Variants in SLIT2 observed in about 807,000 individuals in gnomAD.
SLIT2 encodes slit homolog 2 protein.
Under a neutral mutation model 185.7 loss-of-function variants are expected in SLIT2, and 41 were observed. The ratio of observed to expected loss-of-function variants is 0.22; its 90% confidence interval spans 0.17 to 0.29. The LOEUF (loss-of-function observed/expected upper bound fraction) is 0.29. SLIT2 is among the 10% of genes least tolerant of loss of function. The pLI is 1.00. For missense variants in SLIT2, 1,571 were observed against 1,909.0 expected (o/e 0.82, Z 3.30); for synonymous variants, 693 against 680.2 (o/e 1.02, Z -0.29).
chr4:20,535,020 A>G (rs1448915369), intron 18 of SLIT2, among the ~76,000 whole-genome samples: 2 of 152,000 alleles, frequency 1.3e-5, no homozygotes, highest in Non-Finnish European at 2.9e-5. Flanking sequence ...GATACTGAGG[A>G]CTGGGCGCGG....
intron 5 of SLIT2, among the ~76,000 whole-genome samples, chr4:20,473,015 T>G (rs965072887): frequency 6.6e-5 from 10 of 152,014 alleles, no homozygotes; most frequent in African/African-American, 2.4e-4. Context: ...CTAATTTACT[T>G]TACCGTTGGT....
chr4:20,300,367 C>G (rs886450037), intron 4 of SLIT2, among the ~76,000 whole-genome samples: 2 of 151,998 alleles, frequency 1.3e-5, no homozygotes, highest in Non-Finnish European at 2.9e-5. Flanking sequence ...AAAAGACATT[C>G]TAAGATTACA....
intron 4 of SLIT2, among the ~76,000 whole-genome samples, chr4:20,463,448 G>GATAGATATATATATATATATATATAT: frequency 1.5e-5 from 1 of 67,324 alleles, no homozygotes; most frequent in Non-Finnish European, 2.9e-5. Context: ...CTCAAACTGT[G>GATAGATATATATATATATATATATAT]ATATATATAT....
intron 4 of SLIT2, among the ~76,000 whole-genome samples, chr4:20,289,548 T>C (rs1055298986): frequency 6.6e-6 from 1 of 152,228 alleles, no homozygotes. Flanking sequence ...GTTTTCTTTT[T>C]AACATTTTAT....
At chr4:20,448,850 A>G (rs899908242) in intron 4 of SLIT2, among the ~76,000 whole-genome samples, 4 of 151,560 alleles carry the variant, frequency 2.6e-5, no homozygotes, top group Non-Finnish European at 5.9e-5. Flanking sequence ...GTTAGCCAGG[A>G]TGGTCTCGAT....
intron 4 of SLIT2, among the ~76,000 whole-genome samples, chr4:20,441,592 T>C (rs986919361): frequency 6.5e-5 from 9 of 138,182 alleles, no homozygotes; most frequent in Non-Finnish European, 1.4e-4. Flanking sequence ...CTTGCAAAAA[T>C]ACATACATAC....
intron 4 of SLIT2, among the ~76,000 whole-genome samples, chr4:20,436,855 C>G (rs762540651): frequency 6.6e-6 from 1 of 152,184 alleles, no homozygotes; most frequent in Non-Finnish European, 1.5e-5. Flanking sequence ...TTGTTGCACT[C>G]TTTTGGTCAT....
intron 4 of SLIT2, among the ~76,000 whole-genome samples, chr4:20,303,920 G>T (rs1717295370): frequency 6.6e-6 from 1 of 152,158 alleles, no homozygotes; most frequent in African/African-American, 2.4e-5. Flanking sequence ...TGGAAGGCTG[G>T]TCTATGCCAC....
rs1560253008 is a variant in SLIT2 at position 20,252,011 on chromosome 4, C to CGGCGGCGGAGGCGGA, written c.-1801_-1787dup. ...AAAAAAAAGAAGGCGGCGGCGGCGG[C>CGGCGGCGGAGGCGGA]GGCGGCGGAGGCGGAGGCAGCTGCG... On this transcript the variant is annotated 5_prime_UTR_variant, in exon 1 of 37. Transcript: ENST00000504154. Among the ~76,000 whole-genome samples the CGGCGGCGGAGGCGGA allele has an allele frequency of 6.6e-6, 1 of 152,060 alleles. No homozygotes were observed. Among genetic ancestry groups the CGGCGGCGGAGGCGGA allele is most frequent in the South Asian group, 2.1e-4 (1 of 4,822 alleles).
At chr4:20,465,778 C>T (rs781083810) in intron 4 of SLIT2, among the ~76,000 whole-genome samples, 3 of 152,094 alleles carry the variant, frequency 2.0e-5, no homozygotes, top group Non-Finnish European at 4.4e-5. Context: ...TGACTTTCCG[C>T]CCAGCCCACT....
chr4:20,449,277 G>A (rs1712201931), intron 4 of SLIT2, among the ~76,000 whole-genome samples: 2 of 151,972 alleles, frequency 1.3e-5, no homozygotes, highest in African/African-American at 4.8e-5. Context: ...TTTACTTATG[G>A]GGACACTTTG....
chr4:20,550,844 A>C lies in SLIT2; in HGVS notation c.2507A>C (p.Asp836Ala). 6.2e-7 allele frequency: 1 copy of C among 1,606,356 alleles called. No homozygotes were observed. Among genetic ancestry groups the C allele is most frequent in the Non-Finnish European group, 8.5e-7 (1 of 1,174,240 alleles). Reference sequence around the variant, plus strand: ...TCTTTTAGTTCTCTACATGGAAATGACATTTCTGTTGTGCCTGAAGGTGCT... The same window carrying C: ...TCTTTTAGTTCTCTACATGGAAATGCCATTTCTGTTGTGCCTGAAGGTGCT... ...SLRLLSLHGN[D>A]ISVVPEGAFN... is the part of the protein sequence containing the mutation. The change falls in exon 25 of 37, where the codon GAC becomes GCC. Residue 836 changes from aspartate (D) to alanine (A), a missense_variant. Coordinates refer to ENST00000504154, the MANE Select transcript of SLIT2 (RefSeq NM_004787.4).
chr4:20,285,598 G>T (rs985523160), intron 4 of SLIT2, among the ~76,000 whole-genome samples: 5 of 152,022 alleles, frequency 3.3e-5, no homozygotes, highest in African/African-American at 9.7e-5. Context: ...GTTATGCAGG[G>T]AGTGCAGTGG....
At position 20,472,570 on chromosome 4, in the gene SLIT2, A is replaced by ATC. The variant is rs1231090636; in HGVS notation, c.467+4748_467+4749insCT. Among the ~76,000 whole-genome samples, 2 of 22,926 alleles carry ATC rather than the reference A, an allele frequency of 8.7e-5. 1 individual carries two copies. The highest frequency in any genetic ancestry group is 1.3e-4 in the Non-Finnish European group (2 of 15,742). 15.0% of individuals were successfully genotyped at this position (22,926 alleles called of 152,430 possible). ...TCTATATATAGATATATATCTATAT[A>ATC]TAGATATATCTATATATAGATATAT... On this transcript the variant is annotated intron_variant, in intron 5 of 36. Coordinates refer to ENST00000504154, the MANE Select transcript of SLIT2 (RefSeq NM_004787.4).
At chr4:20,471,632 A>G (rs963231596) in intron 5 of SLIT2, among the ~76,000 whole-genome samples, 1 of 152,196 alleles carries the variant, frequency 6.6e-6, no homozygotes, top group Non-Finnish European at 1.5e-5. Context: ...GGTTTATGGG[A>G]TTTGGCACAT....
At chr4:20,301,406 A>C (rs1717024259) in intron 4 of SLIT2, among the ~76,000 whole-genome samples, 1 of 152,110 alleles carries the variant, frequency 6.6e-6, no homozygotes, top group South Asian at 2.1e-4. Flanking sequence ...TGCTAACGTT[A>C]GATTCTTGTT....
chr4:20,474,089 T>G (rs1715850262), intron 5 of SLIT2, among the ~76,000 whole-genome samples: 2 of 152,034 alleles, frequency 1.3e-5, no homozygotes, highest in African/African-American at 4.8e-5. Flanking sequence ...TCCTTACTCT[T>G]AAATTCCAGA....
At chr4:20,475,123 T>C (rs1325495874) in intron 5 of SLIT2, among the ~76,000 whole-genome samples, 1 of 152,128 alleles carries the variant, frequency 6.6e-6, no homozygotes, top group Admixed American at 6.5e-5. Context: ...TCCTAGCTCC[T>C]TCTTCCCTTC....
chr4:20,515,884 C>T (rs546521863), intron 11 of SLIT2, among the ~76,000 whole-genome samples: 102 of 152,238 alleles, frequency 6.7e-4, no homozygotes, highest in African/African-American at 2.3e-3. Flanking sequence ...GGCGCAATCT[C>T]GGCTCACTGC....
Sources: allele counts gnomAD v4.1 joint callset (sites outside exome capture counted in the v4.1 genomes callset), GRCh38; gene constraint gnomAD v4.1.1; transcripts MANE v1.5; gene names NCBI Gene and HGNC (gene_info 2026-07-23, HGNC 2026-07-21).